Variants in CCDC170 observed in about 807,000 individuals in gnomAD.
CCDC170 encodes coiled-coil domain containing 170.
Under a neutral mutation model 72.6 loss-of-function variants are expected in CCDC170, and 69 were observed. The ratio of observed to expected loss-of-function variants is 0.95; its 90% confidence interval spans 0.78 to 1.16. The LOEUF (loss-of-function observed/expected upper bound fraction) is 1.16, where lower values mean the gene tolerates loss of function less well. Ranked by LOEUF, CCDC170 falls within the 50% of genes most tolerant of loss-of-function variation. The pLI is 0.00. For synonymous variants in CCDC170, 300 were observed against 303.9 expected (o/e 0.99, Z 0.13); for missense variants, 852 against 832.5 (o/e 1.02, Z -0.29).
chr6:151,524,129 C>T lies in CCDC170; in HGVS notation c.58-12189C>T, dbSNP rs1219862836. Among the ~76,000 whole-genome samples, 5 of 152,194 alleles carry T rather than the reference C, an allele frequency of 3.3e-5. No homozygotes were observed. The East Asian group carries it at 9.6e-4, about 29-fold the overall frequency. On this transcript the variant is annotated intron_variant, in intron 1 of 10. Coordinates refer to ENST00000239374, the MANE Select transcript of CCDC170 (RefSeq NM_025059.4). Reference sequence around the variant, plus strand: ...AGCTCCACCCTGACCTCCTAGTGCACATGTGGGCGCTTAGCTTAAGTTACT... The same window carrying T: ...AGCTCCACCCTGACCTCCTAGTGCATATGTGGGCGCTTAGCTTAAGTTACT...
At chr6:151,604,471 C>T (rs1303900739) in intron 9 of CCDC170, among the ~76,000 whole-genome samples, 1 of 152,136 alleles carries the variant, frequency 6.6e-6, no homozygotes, top group East Asian at 1.9e-4. Context: ...ATGGCTACAA[C>T]ATTACAGCTG....
At chr6:151,513,758 A>C (rs1448155876) in intron 1 of CCDC170, among the ~76,000 whole-genome samples, 1 of 151,778 alleles carries the variant, frequency 6.6e-6, no homozygotes, top group Non-Finnish European at 1.5e-5. Context: ...GTCTCTACTA[A>C]AAATACAAAA....
At chr6:151,586,944 C>T (rs1010761304) in intron 7 of CCDC170, among the ~76,000 whole-genome samples, 3 of 151,718 alleles carry the variant, frequency 2.0e-5, no homozygotes, top group African/African-American at 7.3e-5. Context: ...GCCACCACGC[C>T]CGGCTAATTT....
intron 1 of CCDC170, among the ~76,000 whole-genome samples, chr6:151,529,036 C>T (rs1002201770): frequency 2.0e-5 from 3 of 152,080 alleles, no homozygotes; most frequent in African/African-American, 2.4e-5. Flanking sequence ...CTCCAATTGT[C>T]GTGTCACCCT....
chr6:151,554,404 G>A (rs998831412), intron 5 of CCDC170, among the ~76,000 whole-genome samples: 1 of 152,122 alleles, frequency 6.6e-6, no homozygotes, highest in African/African-American at 2.4e-5. Context: ...TGCCTTTTTT[G>A]TTAGCTTACA....
intron 10 of CCDC170, among the ~76,000 whole-genome samples, chr6:151,616,161 G>C (rs985132407): frequency 6.6e-6 from 1 of 152,112 alleles, no homozygotes; most frequent in African/African-American, 2.4e-5. Context: ...AGCTCTTAAC[G>C]TTAACCAGGG....
At chr6:151,552,692 C>A (rs1782899457) in intron 5 of CCDC170, among the ~76,000 whole-genome samples, 1 of 150,118 alleles carries the variant, frequency 6.7e-6, no homozygotes, top group Admixed American at 6.7e-5. Context: ...TCTCTCAAGT[C>A]TTCCTCGATC....
At chr6:151,610,723 C>T (rs182503112) in intron 9 of CCDC170, among the ~76,000 whole-genome samples, 462 of 152,220 alleles carry the variant, frequency 3.0e-3, no homozygotes, top group Admixed American at 4.4e-3. Context: ...CAAGGTCAGC[C>T]CCTGTAGACC....
At chr6:151,607,891 G>A (rs141302064) in intron 9 of CCDC170, among the ~76,000 whole-genome samples, 1 of 152,172 alleles carries the variant, frequency 6.6e-6, no homozygotes, top group East Asian at 1.9e-4. Flanking sequence ...CACAAGACTT[G>A]GGACATTTTC....
intron 1 of CCDC170, among the ~76,000 whole-genome samples, chr6:151,511,803 TG>T (rs1201679562): frequency 1.3e-5 from 2 of 152,228 alleles, no homozygotes; most frequent in African/African-American, 4.8e-5. Flanking sequence ...TTTACATTTT[TG>T]TATATGTTTG....
intron 9 of CCDC170, among the ~76,000 whole-genome samples, chr6:151,596,955 T>C (rs1776635613): frequency 6.6e-6 from 1 of 151,912 alleles, no homozygotes. Flanking sequence ...GCCTCCTGAG[T>C]AGCCAGGATT....
intron 5 of CCDC170, among the ~76,000 whole-genome samples, chr6:151,552,236 TAGA>T (rs1782891602): frequency 6.6e-6 from 1 of 152,190 alleles, no homozygotes; most frequent in Admixed American, 6.5e-5. Flanking sequence ...TGCATTCTAT[TAGA>T]AGGCAAATAA....
In CCDC170 at chr6:151,499,737, G is replaced by T. The variant is rs1245531777; in HGVS notation, c.57+5552G>T. 2.0e-5 allele frequency among the ~76,000 whole-genome samples: 3 copies of T among 148,268 alleles called. No homozygotes were observed. The South Asian group carries it at 6.4e-4, about 32-fold the overall frequency. ...ACTGGCTTATTTCACTTAGCATAAT[G>T]TCCTCAACGTTTCTTCATGATGTAA... On this transcript the variant is annotated intron_variant, in intron 1 of 10. Coordinates refer to ENST00000239374, the MANE Select transcript of CCDC170 (RefSeq NM_025059.4).
chr6:151,525,020 C>T (rs1424663997), intron 1 of CCDC170, among the ~76,000 whole-genome samples: 1 of 150,836 alleles, frequency 6.6e-6, no homozygotes, highest in Admixed American at 6.6e-5. Flanking sequence ...GCAAACTCCG[C>T]CTCCCAGGTT....
chr6:151,572,709 G>C (rs540905476), intron 5 of CCDC170, among the ~76,000 whole-genome samples: 5 of 141,698 alleles, frequency 3.5e-5, no homozygotes, highest in African/African-American at 1.4e-4. Context: ...GAGTACAGTG[G>C]AGTGATCTCA....
intron 9 of CCDC170, among the ~76,000 whole-genome samples, chr6:151,610,324 C>T (rs1776850653): frequency 6.6e-6 from 1 of 152,184 alleles, no homozygotes; most frequent in South Asian, 2.1e-4. Context: ...CAATACTTCC[C>T]TTTCCCAACT....
At chr6:151,530,998 T>A (rs1670462583) in intron 1 of CCDC170, among the ~76,000 whole-genome samples, 1 of 152,212 alleles carries the variant, frequency 6.6e-6, no homozygotes, top group Non-Finnish European at 1.5e-5. Context: ...CAGTTTGCTC[T>A]TTCACTTTAA....
intron 7 of CCDC170, among the ~76,000 whole-genome samples, chr6:151,589,638 T>A (rs371416873): frequency 6.6e-6 from 1 of 151,734 alleles, no homozygotes. Context: ...GGAAACAACC[T>A]ACTAACTGAG....
chr6:151,544,842 A>G (rs1322822891), intron 4 of CCDC170, 126 bp downstream of exon 4: 6 of 827,416 alleles, frequency 7.3e-6, no homozygotes, highest in Non-Finnish European at 1.1e-5. Flanking sequence ...GTGTAGTATT[A>G]ATTAACTGTA....
Sources: gnomAD v4.1 joint callset for allele counts (sites outside exome capture counted in the v4.1 genomes callset) on GRCh38, gnomAD v4.1.1 for gene constraint, MANE v1.5 for transcripts, NCBI Gene and HGNC (gene_info 2026-07-23, HGNC 2026-07-21) for gene names.